HPRT1: variants seen among roughly 807,000 people sequenced by gnomAD.
The protein encoded by HPRT1 is hypoxanthine-guanine phosphoribosyltransferase.
Under a neutral mutation model 19.0 loss-of-function variants are expected in HPRT1, and 4 were observed. The ratio of observed to expected loss-of-function variants is 0.21; its 90% CI spans 0.10 to 0.48. The LOEUF is 0.48. Ranked by LOEUF, HPRT1 falls within the 20% of genes least tolerant of loss-of-function variation. The pLI, the probability that HPRT1 is intolerant of heterozygous loss-of-function variation, is 0.98. For missense variants in HPRT1, 65 were observed against 164.0 expected (o/e 0.40, Z 3.30); for synonymous variants, 53 against 54.9 (o/e 0.97, Z 0.15).
intron 6 of HPRT1, 130 bp downstream of exon 6, chrX:134,493,720 T>G (rs2077673649): frequency 2.0e-6 from 1 of 512,662 alleles, no homozygotes; most frequent in Non-Finnish European, 3.5e-6. Context: ...CATATAAGAC[T>G]TAAGATATAA....
At chrX:134,466,952 T>G (rs2077598347) in intron 1 of HPRT1, among the ~76,000 whole-genome samples, 2 of 111,094 alleles carry the variant, frequency 1.8e-5, no homozygotes, top group Admixed American at 1.9e-4. Flanking sequence ...TTTCTGGGCT[T>G]GTCGAATTAG....
chrX:134,499,449 G>C (rs1161425112), intron 8 of HPRT1, among the ~76,000 whole-genome samples: 1 of 110,514 alleles, frequency 9.0e-6, no homozygotes, highest in Non-Finnish European at 1.9e-5. Context: ...CTGCACTCCA[G>C]CCTGGGTGAC....
rs35653185 is a variant in HPRT1, at chrX:134,482,685, GT to G, written c.319-3770del. Among the ~76,000 whole-genome samples the G allele has an allele frequency of 1.8e-4, 19 of 106,460 alleles. No individual in the cohort carries two copies. The East Asian group carries it at 3.8e-3, about 21-fold the overall frequency. The allele number at this position is 106,460 out of a possible 115,157, so 92.4% of individuals were successfully genotyped here. A position where few individuals can be genotyped will look rare whatever the true frequency, so the allele number is the denominator to read the frequency against. On this transcript the variant is annotated intron_variant, in intron 3 of 8. Coordinates refer to ENST00000298556, the MANE Select transcript of HPRT1 (RefSeq NM_000194.3). ...GTTTTTTAACTGACAAAAACCTTTA[GT>G]TTTTTTTTTAGTAATGTGTTTATTT...
intron 1 of HPRT1, among the ~76,000 whole-genome samples, chrX:134,460,886 A>T (rs754384724): frequency 9.0e-6 from 1 of 111,389 alleles, no homozygotes; most frequent in East Asian, 2.8e-4. Context: ...GCCCCACTAC[A>T]GCTCTGGTAG....
At chrX:134,490,284 A>G in intron 5 of HPRT1, 79 bp downstream of exon 5, 1 of 551,900 alleles carries the variant, frequency 1.8e-6, no homozygotes, top group Non-Finnish European at 2.9e-6. Flanking sequence ...TAAGCCAGGG[A>G]GAGAAATTCC....
chrX:134,495,621 T>G (rs756427839), intron 6 of HPRT1, among the ~76,000 whole-genome samples: 65 of 111,851 alleles, frequency 5.8e-4, no homozygotes, highest in Non-Finnish European at 1.1e-3. Flanking sequence ...AACATACTCC[T>G]TTTTTATGGA....
chrX:134,490,390 T>C (rs969624587), intron 5 of HPRT1, among the ~76,000 whole-genome samples, 185 bp downstream of exon 5: 2 of 109,026 alleles, frequency 1.8e-5, no homozygotes, highest in East Asian at 5.7e-4. Context: ...AATAATGGAA[T>C]GGTATACTTC....
At position 134,477,247 on chromosome X, in the gene HPRT1, G is replaced by T. The variant is rs1324767182; in HGVS notation, c.318+1883G>T. ...GGCTAATTTTTGTGTTTTTAGTAGA[G>T]ATGGGGTTTCACCTTGTTGGTCAGG... On this transcript the variant is annotated intron_variant, in intron 3 of 8. Transcript: ENST00000298556. 1.0e-4 allele frequency among the ~76,000 whole-genome samples: 11 copies of T among 107,173 alleles called. No individual in the cohort carries two copies. In the Admixed American group the frequency reaches 1.1e-3, roughly 11 times the overall value. 93.1% of individuals were successfully genotyped at this position (107,173 alleles called of 115,157 possible). A position where few individuals can be genotyped will look rare whatever the true frequency, so the allele number is the denominator to read the frequency against.
intron 1 of HPRT1, among the ~76,000 whole-genome samples, chrX:134,466,956 G>C (rs17324664): frequency 9.2e-6 from 1 of 108,693 alleles, no homozygotes. Flanking sequence ...TGGGCTTGTC[G>C]AATTAGATTT....
At chrX:134,478,649 C>G (rs1230453937) in intron 3 of HPRT1, among the ~76,000 whole-genome samples, 1 of 111,711 alleles carries the variant, frequency 9.0e-6, no homozygotes, top group African/African-American at 3.3e-5. Context: ...GAAAACACAA[C>G]TGCAGAAAAT....
intron 4 of HPRT1, among the ~76,000 whole-genome samples, chrX:134,487,684 A>G (rs1025527880): frequency 2.7e-5 from 3 of 112,271 alleles, no homozygotes; most frequent in Non-Finnish European, 3.8e-5. Flanking sequence ...TTTAACATGT[A>G]AAACTTCTGT....
intron 3 of HPRT1, among the ~76,000 whole-genome samples, chrX:134,481,517 A>G (rs1278925522): frequency 1.9e-5 from 2 of 102,625 alleles, no homozygotes; most frequent in Non-Finnish European, 4.0e-5. Context: ...CTATCTATCT[A>G]TCTATCTATC....
chrX:134,473,049 G>A (rs753606930), intron 1 of HPRT1, among the ~76,000 whole-genome samples: 1 of 110,187 alleles, frequency 9.1e-6, no homozygotes, highest in East Asian at 2.9e-4. Flanking sequence ...CACCACACCC[G>A]GCTAATTTTT....
At chrX:134,460,437 C>T in intron 1 of HPRT1, 99 bp downstream of exon 1, 1 of 730,418 alleles carries the variant, frequency 1.4e-6, no homozygotes, top group Non-Finnish European at 1.8e-6. Context: ...GCTCGGGCGG[C>T]CGGGCCCAGG....
intron 4 of HPRT1, among the ~76,000 whole-genome samples, chrX:134,489,208 A>G (rs998856205): frequency 8.9e-6 from 1 of 111,904 alleles, no homozygotes; most frequent in Admixed American, 9.5e-5. Flanking sequence ...CAATTTATAA[A>G]AAGTTTCCTG....
intron 1 of HPRT1, chrX:134,460,634 G>C (rs762559003): frequency 5.7e-6 from 1 of 174,203 alleles, no homozygotes; most frequent in African/African-American, 3.1e-5. Flanking sequence ...CTGCGAGCGT[G>C]CTGCGGGGAG....
intron 5 of HPRT1, among the ~76,000 whole-genome samples, chrX:134,492,064 G>A (rs1569358613): frequency 1.2e-5 from 1 of 83,400 alleles, no homozygotes; most frequent in Non-Finnish European, 2.3e-5. Flanking sequence ...TATATATATA[G>A]TTTTTTTTTT....
At chrX:134,484,847 T>TA (rs980811875) in intron 3 of HPRT1, among the ~76,000 whole-genome samples, 12 of 111,207 alleles carry the variant, frequency 1.1e-4, no homozygotes, top group Middle Eastern at 4.6e-3. Context: ...ATTTTTTAAA[T>TA]AAAAAAAAGA....
intron 6 of HPRT1, among the ~76,000 whole-genome samples, chrX:134,494,668 C>T (rs1404852314): frequency 8.9e-6 from 1 of 112,267 alleles, no homozygotes; most frequent in Non-Finnish European, 1.9e-5. Context: ...ATCACTTTTG[C>T]ACCAACCAAA....
Sources: allele counts gnomAD v4.1 joint callset (sites outside exome capture counted in the v4.1 genomes callset), GRCh38; gene constraint gnomAD v4.1.1; transcripts MANE v1.5; gene names NCBI Gene and HGNC (gene_info 2026-07-23, HGNC 2026-07-21).